The following ADARB2 variants were observed in gnomAD, a reference collection of about 807,000 sequenced individuals.
ADARB2 encodes inactive double-stranded RNA-specific editase B2.
A neutral mutation model predicts 62.2 loss-of-function variants in ADARB2; 25 were observed. That is an observed-to-expected ratio of 0.40 (90% CI 0.29 to 0.56). ADARB2 has a LOEUF of 0.56. Ranked by LOEUF, ADARB2 falls within the 20% of genes least tolerant of loss-of-function variation. ADARB2 has a pLI of 0.43. For missense variants in ADARB2, 1,071 were observed against 1,077.4 expected (o/e 0.99, Z 0.08); for synonymous variants, 572 against 500.8 (o/e 1.14, Z -1.90).
At chr10:1,716,123 A>C (rs1175829550) in intron 1 of ADARB2, among the ~76,000 whole-genome samples, 1 of 150,334 alleles carries the variant, frequency 6.7e-6, no homozygotes, top group African/African-American at 2.5e-5. Flanking sequence ...TTCCACAATG[A>C]CTCATGCACA....
intron 1 of ADARB2, among the ~76,000 whole-genome samples, chr10:1,724,519 C>G (rs928102765): frequency 2.0e-5 from 3 of 152,300 alleles, no homozygotes; most frequent in Admixed American, 2.0e-4. Flanking sequence ...TCGGAGGCTC[C>G]TTGTGTGCGC....
intron 1 of ADARB2, among the ~76,000 whole-genome samples, chr10:1,421,295 TCTGCAGGACCTAACCCCA>T (rs1832850998): frequency 6.6e-6 from 1 of 151,784 alleles, no homozygotes; most frequent in Non-Finnish European, 1.5e-5. Flanking sequence ...CTGGTCAGGA[TCTGCAGGACCTAACCCCA>T]CCCACGCTCA....
chr10:1,256,813 A>G (rs1455684902), intron 4 of ADARB2, among the ~76,000 whole-genome samples: 1 of 152,168 alleles, frequency 6.6e-6, no homozygotes, highest in African/African-American at 2.4e-5. Context: ...AAGTCTATTT[A>G]TCTCCTCATT....
chr10:1,693,853 CAATT>C (rs1480485152), intron 1 of ADARB2, among the ~76,000 whole-genome samples: 2 of 152,238 alleles, frequency 1.3e-5, no homozygotes, highest in South Asian at 2.1e-4. Context: ...TTTAAATAAT[CAATT>C]AGGGCATTGT....
At chr10:1,367,930 A>G (rs1432888455) in intron 2 of ADARB2, among the ~76,000 whole-genome samples, 2 of 152,258 alleles carry the variant, frequency 1.3e-5, no homozygotes, top group East Asian at 3.8e-4. Flanking sequence ...ATTGTGGTAT[A>G]AGAGCCTCTT....
intron 1 of ADARB2, among the ~76,000 whole-genome samples, chr10:1,665,982 A>G (rs555516467): frequency 6.6e-6 from 1 of 151,440 alleles, no homozygotes; most frequent in Admixed American, 6.6e-5. Flanking sequence ...TCAGGGACCC[A>G]CAGAGTGGCC....
intron 1 of ADARB2, among the ~76,000 whole-genome samples, chr10:1,546,676 A>G (rs1832525098): frequency 6.6e-6 from 1 of 152,242 alleles, no homozygotes; most frequent in Non-Finnish European, 1.5e-5. Context: ...CAGAAAGGCC[A>G]CGTCCCGGCT....
rs1461398664 is a variant in ADARB2, at chr10:1,373,826, C to T, written c.187+5248G>A. 5.3e-5 allele frequency among the ~76,000 whole-genome samples: 8 copies of T among 150,006 alleles called. No individual in the cohort carries two copies. The East Asian group carries it at 6.0e-4, about 11-fold the overall frequency. On this transcript the variant is annotated intron_variant, in intron 2 of 9. Coordinates refer to ENST00000381312, the MANE Select transcript of ADARB2 (RefSeq NM_018702.4). ...TCCTAGTGAGACCGCGTGGACTCCG[C>T]GCACCCTTCCTAGTGAAACCGCGTG...
chr10:1,669,181 TC>T (rs1394822635), intron 1 of ADARB2, among the ~76,000 whole-genome samples: 1 of 151,764 alleles, frequency 6.6e-6, no homozygotes, highest in Non-Finnish European at 1.5e-5. Context: ...CAGGTGAGAG[TC>T]CTCATCAGGG....
intron 1 of ADARB2, among the ~76,000 whole-genome samples, chr10:1,532,118 C>T (rs765492994): frequency 6.6e-6 from 1 of 152,102 alleles, no homozygotes; most frequent in Non-Finnish European, 1.5e-5. Flanking sequence ...TGCGTGCTGC[C>T]TGCAGGTGTT....
At chr10:1,598,443 A>G (rs1002000128) in intron 1 of ADARB2, among the ~76,000 whole-genome samples, 1 of 152,260 alleles carries the variant, frequency 6.6e-6, no homozygotes, top group South Asian at 2.1e-4. Context: ...AATGAGGATC[A>G]TAACTTAAAA....
At chr10:1,619,049 G>C (rs1296029168) in intron 1 of ADARB2, among the ~76,000 whole-genome samples, 3 of 152,126 alleles carry the variant, frequency 2.0e-5, no homozygotes, top group Non-Finnish European at 2.9e-5. Flanking sequence ...AATCAACAGA[G>C]GAGTTAAAGT....
chr10:1,722,091 A>G (rs1480480744), intron 1 of ADARB2, among the ~76,000 whole-genome samples: 1 of 152,164 alleles, frequency 6.6e-6, no homozygotes, highest in East Asian at 1.9e-4. Flanking sequence ...GAGCTATTTT[A>G]GTCAGTTGGT....
At chr10:1,596,054 A>G (rs1833330518) in intron 1 of ADARB2, among the ~76,000 whole-genome samples, 1 of 152,190 alleles carries the variant, frequency 6.6e-6, no homozygotes, top group Non-Finnish European at 1.5e-5. Context: ...TTGTTCACAG[A>G]AAGAGTGAAG....
intron 4 of ADARB2, among the ~76,000 whole-genome samples, chr10:1,264,426 T>C (rs1172049586): frequency 6.6e-6 from 1 of 152,244 alleles, no homozygotes; most frequent in African/African-American, 2.4e-5. Flanking sequence ...CTTACACAGA[T>C]GCTCTTTGTA....
chr10:1,654,818 C>T (rs1239781287), intron 1 of ADARB2, among the ~76,000 whole-genome samples: 6 of 152,232 alleles, frequency 3.9e-5, no homozygotes, highest in African/African-American at 1.4e-4. Flanking sequence ...GAGCTTGGCT[C>T]ATGGCTGCTG....
At chr10:1,462,417 G>A (rs751265348) in intron 1 of ADARB2, among the ~76,000 whole-genome samples, 14 of 152,256 alleles carry the variant, frequency 9.2e-5, no homozygotes, top group Admixed American at 5.9e-4. Context: ...CCAGGGCTGC[G>A]TCCTAACCAA....
rs568793260 is a variant in ADARB2, at chr10:1,291,329, A to T, written c.1078-20260T>A. 4 of 152,346 alleles carry T rather than the reference A, an allele frequency of 2.6e-5. No homozygotes were observed. The East Asian group carries it at 7.7e-4, about 29-fold the overall frequency. 9.4% of individuals were successfully genotyped at this position (152,346 alleles called of 1,614,324 possible). A position where few individuals can be genotyped will look rare whatever the true frequency, so the allele number is the denominator to read the frequency against. On this transcript the variant is annotated intron_variant, in intron 3 of 9. Coordinates refer to ENST00000381312, the MANE Select transcript of ADARB2 (RefSeq NM_018702.4). ...CTGAAAGCAGGATCTGGAGAACAGA[A>T]ATCAGTGGATGAAAATTGCCAAGTT...
intron 3 of ADARB2, chr10:1,361,606 G>A (rs1832256181): frequency 6.6e-6 from 1 of 152,196 alleles, no homozygotes. Flanking sequence ...AGTTCAACAA[G>A]CATTGGTTGA....
Sources: gnomAD v4.1 joint callset for allele counts (sites outside exome capture counted in the v4.1 genomes callset) on GRCh38, gnomAD v4.1.1 for gene constraint, MANE v1.5 for transcripts, NCBI Gene and HGNC (gene_info 2026-07-23, HGNC 2026-07-21) for gene names.